The following CHID1 variants were observed in gnomAD, a reference collection of about 807,000 sequenced individuals.
The protein encoded by CHID1 is chitinase domain containing 1, also known as chitinase domain-containing protein 1.
In CHID1, 44 loss-of-function variants were observed where a neutral mutation model predicts 55.4. The ratio of observed to expected loss-of-function variants is 0.79; its 90% CI spans 0.62 to 1.02. CHID1 has a LOEUF of 1.02. Among genes scored for constraint, CHID1 ranks in the 50% least tolerant of loss-of-function variants. The probability of loss-of-function intolerance (pLI) is 0.00; values close to 1 mark genes in which losing one functional copy is unlikely to be tolerated. For synonymous variants in CHID1, 216 were observed against 212.9 expected, an observed-to-expected ratio of 1.01 and a Z score of -0.13; for missense variants, 491 against 515.3, an observed-to-expected ratio of 0.95 and a Z score of 0.46.
chr11:899,870 TG>T, intron 6 of CHID1, 133 bp downstream of exon 6: 1 of 636,242 alleles, frequency 1.6e-6, no homozygotes. Flanking sequence ...CCCTGGAAGA[TG>T]GGGGCTGCAC....
chr11:899,101 C>T (rs951517983), intron 7 of CHID1, among the ~76,000 whole-genome samples: 2 of 152,256 alleles, frequency 1.3e-5, no homozygotes, highest in Non-Finnish European at 2.9e-5. Context: ...CGCAGCAATG[C>T]GCTCGGAGCC....
At chr11:876,088 G>T (rs904254482) in intron 10 of CHID1, among the ~76,000 whole-genome samples, 6 of 152,178 alleles carry the variant, frequency 3.9e-5, no homozygotes, top group African/African-American at 1.4e-4. Flanking sequence ...CCAACACAAG[G>T]CGAGAACAGA....
chr11:891,953 A>C (rs1220313043), intron 8 of CHID1, among the ~76,000 whole-genome samples: 3 of 151,686 alleles, frequency 2.0e-5, no homozygotes, highest in South Asian at 2.1e-4. Flanking sequence ...AAAAAAAAAA[A>C]AAAAAAACAC....
chr11:891,271 G>A (rs1850796018), intron 8 of CHID1, among the ~76,000 whole-genome samples: 1 of 152,110 alleles, frequency 6.6e-6, no homozygotes, highest in African/African-American at 2.4e-5. Flanking sequence ...CCCCCGAGCT[G>A]GGTCCCACTT....
chr11:879,340 G>C (rs1274572678), intron 10 of CHID1, among the ~76,000 whole-genome samples: 1 of 152,208 alleles, frequency 6.6e-6, no homozygotes. Flanking sequence ...CTCCTGAGTA[G>C]CTAGGACCAC....
chr11:898,867 G>A lies in CHID1; in HGVS notation c.608+473C>T, dbSNP rs994748881. Among the ~76,000 whole-genome samples, 7 of 152,218 alleles carry A rather than the reference G, an allele frequency of 4.6e-5. No individual in the cohort carries two copies. In the South Asian group the frequency reaches 1.4e-3, roughly 31 times the overall value. ...GGAGTGGACTGCTACAAAGCCTGGG[G>A]GCCTGGGAGGCATTCCCCAGAGGCC... On this transcript the variant is annotated intron_variant, in intron 7 of 12. Coordinates refer to ENST00000323578, the MANE Select transcript of CHID1 (RefSeq NM_023947.4).
At chr11:909,626 G>C (rs1467510221) in intron 1 of CHID1, among the ~76,000 whole-genome samples, 1 of 152,226 alleles carries the variant, frequency 6.6e-6, no homozygotes, top group Non-Finnish European at 1.5e-5. Context: ...GTGCATGTGT[G>C]TACATGTGTA....
chr11:905,911 A>G (rs1461201798), intron 1 of CHID1, among the ~76,000 whole-genome samples: 1 of 152,246 alleles, frequency 6.6e-6, no homozygotes, highest in African/African-American at 2.4e-5. Flanking sequence ...TGTGAAGACA[A>G]ATAATAAACC....
At chr11:912,151 GTC>G (rs1430520968), upstream of CHID1, among the ~76,000 whole-genome samples, 2 of 152,134 alleles carry the variant, frequency 1.3e-5, no homozygotes, top group Non-Finnish European at 2.9e-5. Flanking sequence ...GTGGAACCCT[GTC>G]TCTACTAAAA....
At chr11:899,977 G>C (rs761419578) in intron 6 of CHID1, 27 bp downstream of exon 6, 1 of 1,568,398 alleles carries the variant, frequency 6.4e-7, no homozygotes, top group South Asian at 1.1e-5. Flanking sequence ...GCTGTGCTCA[G>C]AGGCTGGAGC....
chr11:872,228 G>T (rs986689630), intron 10 of CHID1, among the ~76,000 whole-genome samples: 2 of 152,182 alleles, frequency 1.3e-5, no homozygotes, highest in Non-Finnish European at 2.9e-5. Context: ...CATGATCTTG[G>T]CTCACTGTAA....
At chr11:899,123 A>C (rs550301669) in intron 7 of CHID1, among the ~76,000 whole-genome samples, 1 of 152,338 alleles carries the variant, frequency 6.6e-6, no homozygotes, top group Admixed American at 6.5e-5. Context: ...GCTGCCTGCC[A>C]CAGGCTGCTT....
At chr11:889,507 C>T (rs1850648136) in intron 8 of CHID1, among the ~76,000 whole-genome samples, 1 of 152,200 alleles carries the variant, frequency 6.6e-6, no homozygotes, top group South Asian at 2.1e-4. Context: ...TGGGCTTAGC[C>T]TCCCTGTCTC....
chr11:888,177 C>T (rs1383076220), intron 8 of CHID1, among the ~76,000 whole-genome samples: 1 of 152,246 alleles, frequency 6.6e-6, no homozygotes. Context: ...CAACCACGGC[C>T]GCAGGCTAAG....
At chr11:914,631 G>T, upstream of CHID1, 1 of 1,186,662 alleles carries the variant, frequency 8.4e-7, no homozygotes, top group Admixed American at 2.3e-5. Context: ...ACTTCGGGAG[G>T]CTGATCACTT....
intron 8 of CHID1, among the ~76,000 whole-genome samples, chr11:889,100 T>G (rs564013071): frequency 2.0e-5 from 3 of 152,166 alleles, no homozygotes; most frequent in Non-Finnish European, 4.4e-5. Flanking sequence ...CCTGACCAGG[T>G]CCCTCCAGCC....
upstream of CHID1, among the ~76,000 whole-genome samples, chr11:912,819 C>A (rs917582182): frequency 2.1e-5 from 3 of 142,716 alleles, no homozygotes; most frequent in Non-Finnish European, 1.5e-5. Context: ...GCCTGGGCGA[C>A]AGAGTGAGAC....
At chr11:888,404 G>A (rs1469750497) in intron 8 of CHID1, among the ~76,000 whole-genome samples, 1 of 152,206 alleles carries the variant, frequency 6.6e-6, no homozygotes, top group Non-Finnish European at 1.5e-5. Flanking sequence ...CTGCAAAAGG[G>A]CCACTGCCAG....
chr11:906,384 G>A (rs1173904258), intron 1 of CHID1, among the ~76,000 whole-genome samples: 1 of 152,020 alleles, frequency 6.6e-6, no homozygotes, highest in African/African-American at 2.4e-5. Flanking sequence ...GATTATAGGC[G>A]CGTGCCACCA....
Sources: allele counts gnomAD v4.1 joint callset (sites outside exome capture counted in the v4.1 genomes callset), GRCh38; gene constraint gnomAD v4.1.1; transcripts MANE v1.5; gene names NCBI Gene and HGNC (gene_info 2026-07-23, HGNC 2026-07-21).